The following SLC25A42 variants were observed in gnomAD, a reference collection of about 807,000 sequenced individuals.
SLC25A42 encodes the protein solute carrier family 25 member 42.
Under a neutral mutation model 34.7 loss-of-function variants are expected in SLC25A42, and 19 were observed. The observed-to-expected ratio is 0.55, with a 90% CI of 0.38 to 0.80. The LOEUF (loss-of-function observed/expected upper bound fraction) is 0.80. Among genes scored for constraint, SLC25A42 ranks in the 30% least tolerant of loss-of-function variants. The pLI is 0.00. For synonymous variants in SLC25A42, 205 were observed against 191.2 expected, an observed-to-expected ratio of 1.07 and a Z score of -0.59; for missense variants, 364 against 441.3, an observed-to-expected ratio of 0.82 and a Z score of 1.57.
At position 19,101,833 on chromosome 19, in the gene SLC25A42, C is replaced by G; in HGVS notation, c.134C>G (p.Ala45Gly). The G allele has an allele frequency of 6.2e-7, 1 of 1,613,836 alleles. No individual in the cohort carries two copies. The highest frequency in any genetic ancestry group is 8.5e-7 in the Non-Finnish European group (1 of 1,179,864). The change falls in exon 3 of 8, where the codon GCC becomes GGC. Residue 45 changes from alanine (A) to glycine (G), a missense_variant. Physicochemically the swap from Ala to Gly is moderately conservative, Grantham distance 60. Transcript: ENST00000318596. ...SSLLSGALAG[A>G]LAKTAVAPLD... The stretch of plus-strand genomic sequence containing the variant: ...CTGCTGTCTGGGGCCCTGGCTGGTG[C>G]CCTTGCCAAAACAGCGGTAGCTCCC...
intron 1 of SLC25A42, among the ~76,000 whole-genome samples, chr19:19,082,489 A>G (rs988970516): frequency 6.6e-6 from 1 of 151,658 alleles, no homozygotes; most frequent in Admixed American, 6.6e-5. Context: ...CAGCCACCCA[A>G]GTAGCTGGGG....
At chr19:19,082,481 G>A (rs956274351) in intron 1 of SLC25A42, among the ~76,000 whole-genome samples, 2 of 151,860 alleles carry the variant, frequency 1.3e-5, no homozygotes, top group Admixed American at 1.3e-4. Context: ...TTGTGCCTCA[G>A]CCACCCAAGT....
At chr19:19,086,145 T>G (rs559699903) in intron 1 of SLC25A42, among the ~76,000 whole-genome samples, 1 of 152,318 alleles carries the variant, frequency 6.6e-6, no homozygotes, top group South Asian at 2.1e-4. Flanking sequence ...GCTTTCTTTG[T>G]TTTAGCACTT....
At chr19:19,087,350 C>T (rs1039765293) in intron 1 of SLC25A42, among the ~76,000 whole-genome samples, 3 of 152,220 alleles carry the variant, frequency 2.0e-5, no homozygotes, top group East Asian at 3.9e-4. Context: ...TGCAGTGGCA[C>T]GATCTCAGCT....
At position 19,102,942 on chromosome 19, in the gene SLC25A42, G is replaced by T. The variant is rs2145921358; in HGVS notation, c.187+1056G>T. 1.3e-5 allele frequency among the ~76,000 whole-genome samples: 2 copies of T among 152,190 alleles called. 1 individual carries two copies. Among genetic ancestry groups the T allele is most frequent in the South Asian group, 4.2e-4 (2 of 4,818 alleles). Reference sequence around the variant, plus strand: ...GGCTGCGTTCCCTCCAGAGGCTCTAGGGGAGGATCCTTCCTTGCTTCTTCC... The same window carrying T: ...GGCTGCGTTCCCTCCAGAGGCTCTATGGGAGGATCCTTCCTTGCTTCTTCC... On this transcript the variant is annotated intron_variant, in intron 3 of 7. Coordinates refer to ENST00000318596, the MANE Select transcript of SLC25A42 (RefSeq NM_178526.5).
chr19:19,085,717 T>C (rs1019384330), intron 1 of SLC25A42, among the ~76,000 whole-genome samples: 2 of 152,102 alleles, frequency 1.3e-5, no homozygotes, highest in Non-Finnish European at 2.9e-5. Context: ...TTCACCCCAT[T>C]CTCACCCCCA....
At chr19:19,091,927 TG>T (rs1167828549) in intron 1 of SLC25A42, among the ~76,000 whole-genome samples, 5 of 152,192 alleles carry the variant, frequency 3.3e-5, no homozygotes. Context: ...GTGTCTCTGA[TG>T]GTTGCAGGCA....
chr19:19,106,155 C>G, intron 5 of SLC25A42, 114 bp from the exon 6 acceptor site: 1 of 858,632 alleles, frequency 1.2e-6, no homozygotes, highest in South Asian at 1.7e-5. Context: ...TCGTGTTCCT[C>G]GGTCCCCACC....
chr19:19,107,596 A>C lies in SLC25A42; in HGVS notation c.498-298A>C, dbSNP rs544047703. Among the ~76,000 whole-genome samples the C allele has an allele frequency of 4.6e-5, 7 of 152,194 alleles. No homozygotes were observed. In the South Asian group the frequency reaches 1.2e-3, roughly 27 times the overall value. On this transcript the variant is annotated intron_variant, in intron 6 of 7. Coordinates refer to ENST00000318596, the MANE Select transcript of SLC25A42 (RefSeq NM_178526.5). ...CAGTGAGCCAAGACTGTGACACTAC[A>C]CTCCAGCCTGGGCAACAGAGGGAGA...
chr19:19,079,774 G>A (rs945434117), intron 1 of SLC25A42, among the ~76,000 whole-genome samples: 1 of 152,156 alleles, frequency 6.6e-6, no homozygotes, highest in Non-Finnish European at 1.5e-5. Flanking sequence ...GTCTCACTAT[G>A]TTGCCCAGGC....
At chr19:19,105,102 C>CG in intron 4 of SLC25A42, 164 bp downstream of exon 4, 2 of 817,510 alleles carry the variant, frequency 2.4e-6, no homozygotes, top group Non-Finnish European at 3.9e-6. Flanking sequence ...TGGGAACTGA[C>CG]GGGACATCCC....
intron 7 of SLC25A42, among the ~76,000 whole-genome samples, chr19:19,108,529 T>A (rs865991748): frequency 7.1e-6 from 1 of 140,800 alleles, no homozygotes; most frequent in African/African-American, 2.7e-5. Context: ...AGCCTGGGTG[T>A]CAAAGTGAGA....
At position 19,110,657 on chromosome 19, in the gene SLC25A42, G is replaced by A; in HGVS notation, c.738G>A (p.Pro246=). The A allele has an allele frequency of 2.6e-6, 4 of 1,556,762 alleles. No individual in the cohort carries two copies. The highest frequency in any genetic ancestry group is 3.5e-6 in the Non-Finnish European group (4 of 1,151,738). Residue 246 remains proline, a synonymous_variant, in exon 8 of 8, where the codon CCG becomes CCA. Coordinates refer to ENST00000318596, the MANE Select transcript of SLC25A42 (RefSeq NM_178526.5). ...TCATCGGGCAGTCGGCCTCGTACCCGCTGGATGTGGTGCGGCGGCGCATGC... is the reference window on the plus strand; with the variant it reads ...TCATCGGGCAGTCGGCCTCGTACCCACTGGATGTGGTGCGGCGGCGCATGC... ...AGLIGQSASY[P]LDVVRRRMQT... is the part of the protein sequence containing the mutation.
rs1048779579 is a variant in SLC25A42 at position 19,108,093 on chromosome 19, C to T, written c.649+48C>T. On this transcript the variant is annotated intron_variant, in intron 7 of 7. Coordinates refer to ENST00000318596, the MANE Select transcript of SLC25A42 (RefSeq NM_178526.5). Reference sequence around the variant, plus strand: ...GGAGGGGACGTTCAGGAAGCATTCCCTGGGGACAGCAGCTCCACCTGGGTC... The same window carrying T: ...GGAGGGGACGTTCAGGAAGCATTCCTTGGGGACAGCAGCTCCACCTGGGTC... The T allele has an allele frequency of 2.6e-6, 4 of 1,520,794 alleles. No homozygotes were observed. The South Asian group carries it at 3.9e-5, about 15-fold the overall frequency. 94.2% of individuals were successfully genotyped at this position (1,520,794 alleles called of 1,614,324 possible).
At chr19:19,078,781 C>T (rs1777518678) in intron 1 of SLC25A42, among the ~76,000 whole-genome samples, 1 of 152,144 alleles carries the variant, frequency 6.6e-6, no homozygotes, top group African/African-American at 2.4e-5. Context: ...GAAGGGCCTC[C>T]CAGGGCTGGT....
At chr19:19,091,730 A>G (rs2059739155) in intron 1 of SLC25A42, among the ~76,000 whole-genome samples, 1 of 152,124 alleles carries the variant, frequency 6.6e-6, no homozygotes, top group African/African-American at 2.4e-5. Context: ...TTAAAAACTT[A>G]GCCAGGTCTG....
chr19:19,078,833 T>C (rs550233874), intron 1 of SLC25A42, among the ~76,000 whole-genome samples: 11 of 151,596 alleles, frequency 7.3e-5, no homozygotes, highest in African/African-American at 2.7e-4. Context: ...AAAATGCACA[T>C]AACTTGAAAG....
intron 1 of SLC25A42, among the ~76,000 whole-genome samples, chr19:19,070,363 T>C (rs2059623425): frequency 6.9e-6 from 1 of 145,974 alleles, no homozygotes; most frequent in African/African-American, 2.6e-5. Flanking sequence ...AATGGTGTGA[T>C]CTCGGCTCAC....
At chr19:19,067,818 G>A (rs1248613768) in intron 1 of SLC25A42, among the ~76,000 whole-genome samples, 1 of 151,818 alleles carries the variant, frequency 6.6e-6, no homozygotes, top group Admixed American at 6.6e-5. Context: ...AAGCTGTTTC[G>A]AGACTCTCTC....
Sources: gnomAD v4.1 joint callset for allele counts (sites outside exome capture counted in the v4.1 genomes callset) on GRCh38, gnomAD v4.1.1 for gene constraint, MANE v1.5 for transcripts, NCBI Gene and HGNC (gene_info 2026-07-23, HGNC 2026-07-21) for gene names.